The following TMPRSS9 variants were observed in gnomAD, a reference collection of about 807,000 sequenced individuals.
TMPRSS9 encodes the protein transmembrane protease serine 9.
Under a neutral mutation model 111.4 loss-of-function variants are expected in TMPRSS9, and 113 were observed. The ratio of observed to expected loss-of-function variants is 1.01; its 90% confidence interval spans 0.87 to 1.19. TMPRSS9 has a LOEUF of 1.19. Among genes scored for constraint, TMPRSS9 ranks in the 50% most tolerant of loss-of-function variants. The pLI, the probability that TMPRSS9 is intolerant of heterozygous loss-of-function variation, is 0.00. For synonymous variants in TMPRSS9, 805 were observed against 659.1 expected (o/e 1.22, Z -3.39); for missense variants, 1,803 against 1,513.1 (o/e 1.19, Z -3.18).
intron 14 of TMPRSS9, among the ~76,000 whole-genome samples, chr19:2,423,661 G>T (rs908843740): frequency 2.4e-4 from 36 of 152,166 alleles, no homozygotes; most frequent in African/African-American, 8.0e-4. Flanking sequence ...TCTGAGGAAG[G>T]CCTTTGCGCT....
At chr19:2,424,064 G>C in intron 14 of TMPRSS9, 25 bp from the exon 16 acceptor site, 1 of 1,258,886 alleles carries the variant, frequency 7.9e-7, no homozygotes, top group Non-Finnish European at 1.0e-6. Flanking sequence ...GGGTCCGCCT[G>C]CCCACGCGCC....
intron 1 of TMPRSS9, among the ~76,000 whole-genome samples, chr19:2,365,918 A>G (rs1306245936): frequency 1.3e-5 from 2 of 152,046 alleles, no homozygotes; most frequent in Non-Finnish European, 1.5e-5. Flanking sequence ...GAGCTGTGAT[A>G]ACACCACTGC....
At chr19:2,423,947 C>T (rs1971527416) in intron 14 of TMPRSS9, 142 bp from the exon 16 acceptor site, 6 of 877,412 alleles carry the variant, frequency 6.8e-6, no homozygotes, top group Non-Finnish European at 9.0e-6. Flanking sequence ...TCCTTTCCTG[C>T]TGAGTTTTCC....
chr19:2,406,428 G>A (rs1970971731), intron 7 of TMPRSS9, among the ~76,000 whole-genome samples: 2 of 151,874 alleles, frequency 1.3e-5, no homozygotes, highest in South Asian at 4.1e-4. Flanking sequence ...CTGGGATAAA[G>A]CAATTCTCTT....
chr19:2,393,061 ACCAATCAGCGCTCTGTAAAATGGG>A (rs1249590755), intron 1 of TMPRSS9, among the ~76,000 whole-genome samples: 3 of 152,152 alleles, frequency 2.0e-5, no homozygotes, highest in Non-Finnish European at 2.9e-5. Flanking sequence ...TGTAAAATGG[ACCAATCAGCGCTCTGTAAAATGGG>A]CCAATCAGGA....
rs58794871 is a variant in TMPRSS9 at position 2,418,357 on chromosome 19, C to T, written c.2154+219C>T. Among the ~76,000 whole-genome samples, 34 of 51,940 alleles carry T rather than the reference C, an allele frequency of 6.5e-4. 6 individuals are homozygous for T. Among genetic ancestry groups the T allele is most frequent in the African/African-American group, 3.7e-3 (30 of 8,200 alleles). 34.1% of individuals were successfully genotyped at this position (51,940 alleles called of 152,430 possible). On this transcript the variant is annotated intron_variant, in intron 13 of 17. Transcript: ENST00000648592. ...TTTCCTTCCCTCCCTTTCCCTCCCT[C>T]CCTCCCTTCCCTTCCCTCCCTCCCT...
At chr19:2,384,236 TGAGGCGGAGGG>T (rs1351531110) in intron 1 of TMPRSS9, among the ~76,000 whole-genome samples, 1 of 152,172 alleles carries the variant, frequency 6.6e-6, no homozygotes, top group African/African-American at 2.4e-5. Flanking sequence ...CCAGGGGAGC[TGAGGCGGAGGG>T]GAGGCAATGA....
At chr19:2,422,686 G>C (rs993030349) in intron 14 of TMPRSS9, among the ~76,000 whole-genome samples, 1 of 152,192 alleles carries the variant, frequency 6.6e-6, no homozygotes, top group Non-Finnish European at 1.5e-5. Flanking sequence ...AGGAGTTCCA[G>C]ACCAGCCTGG....
intron 12 of TMPRSS9, 104 bp downstream of exon 13, chr19:2,416,913 CT>C: frequency 1.5e-6 from 2 of 1,370,752 alleles, no homozygotes; most frequent in Non-Finnish European, 1.9e-6. Context: ...ACCAATTCCA[CT>C]GCACAGGGAC....
chr19:2,362,868 AG>A (rs1033481836), intron 1 of TMPRSS9, among the ~76,000 whole-genome samples: 6 of 149,570 alleles, frequency 4.0e-5, no homozygotes, highest in Non-Finnish European at 6.0e-5. Context: ...TGGTTGTGTG[AG>A]GTTGTAATGT....
intron 9 of TMPRSS9, among the ~76,000 whole-genome samples, chr19:2,411,147 A>G (rs1312763342): frequency 6.6e-6 from 1 of 151,434 alleles, no homozygotes; most frequent in African/African-American, 2.4e-5. Context: ...TAAAAATACA[A>G]AAATTAGCCT....
rs561120922 is a variant in TMPRSS9, at chr19:2,396,443, G to A, written c.143-96G>A. 2.8e-6 allele frequency: 4 copies of A among 1,415,544 alleles called. No homozygotes were observed. In the East Asian group the frequency reaches 7.8e-5, roughly 27 times the overall value. 87.7% of individuals were successfully genotyped at this position (1,415,544 alleles called of 1,614,324 possible). On this transcript the variant is annotated intron_variant, in intron 1 of 17. Coordinates refer to ENST00000648592, the Ensembl canonical transcript of TMPRSS9. ...GCGTGTCAGGAGTGACCACCAGGGT[G>A]TGTGAGTGCAAACAGGGCGGGGCCT... is the stretch of plus-strand genomic sequence containing the variant.
chr19:2,405,543 T>G, exon 7 of TMPRSS9: 1 of 1,561,458 alleles, frequency 6.4e-7, no homozygotes, highest in South Asian at 1.2e-5. Context: ...ACTGCTTCAA[T>G]GAGTAAGCCC....
chr19:2,424,574 T>C (rs1388512520), intron 15 of TMPRSS9, among the ~76,000 whole-genome samples: 4 of 149,344 alleles, frequency 2.7e-5, no homozygotes, highest in Non-Finnish European at 5.9e-5. Context: ...ACGGGAACAT[T>C]GGGGTCACTT....
chr19:2,405,556 A>C lies in TMPRSS9; in HGVS notation c.842+11A>C. ...TCACTGCTTCAATGAGTAAGCCCCC[A>C]TCCCAAAGCACCAAACCCGAACCCT... On this transcript the variant is annotated intron_variant, in intron 7 of 17. Coordinates refer to ENST00000648592, the Ensembl canonical transcript of TMPRSS9. The C allele has an allele frequency of 6.5e-7, 1 of 1,535,446 alleles. No individual in the cohort carries two copies.
At chr19:2,423,403 G>A (rs1055710662) in intron 14 of TMPRSS9, among the ~76,000 whole-genome samples, 2 of 148,190 alleles carry the variant, frequency 1.3e-5, no homozygotes, top group African/African-American at 2.5e-5. Flanking sequence ...GGCTGGTGGG[G>A]AACTGGCATT....
At chr19:2,414,202 T>C in intron 10 of TMPRSS9, 184 bp downstream of exon 11, 1 of 618,166 alleles carries the variant, frequency 1.6e-6, no homozygotes, top group African/African-American at 1.8e-5. Flanking sequence ...CCACAGGTCT[T>C]GCCCATGTCT....
At position 2,400,447 on chromosome 19, in the gene TMPRSS9, C is replaced by G. The variant is rs1970808707; in HGVS notation, c.514+1254C>G. Among the ~76,000 whole-genome samples, 3 of 151,750 alleles carry G rather than the reference C, an allele frequency of 2.0e-5. No homozygotes were observed. In the South Asian group the frequency reaches 6.3e-4, roughly 32 times the overall value. On this transcript the variant is annotated intron_variant, in intron 4 of 17. Coordinates refer to ENST00000648592, the Ensembl canonical transcript of TMPRSS9. ...ATCCCAGCTGCTCAGGAGGCTGAGGCAGGAGAATTGCTGGAACCCAGGAGG... is the reference window on the plus strand; with the variant it reads ...ATCCCAGCTGCTCAGGAGGCTGAGGGAGGAGAATTGCTGGAACCCAGGAGG...
chr19:2,417,883 G>GC, intron 12 of TMPRSS9, 119 bp from the exon 14 acceptor site: 4 of 1,363,894 alleles, frequency 2.9e-6, no homozygotes, highest in Non-Finnish European at 4.0e-6. Context: ...AACTCTGTGA[G>GC]CCCTGGTTTC....
Sources: allele counts gnomAD v4.1 joint callset (sites outside exome capture counted in the v4.1 genomes callset), GRCh38; gene constraint gnomAD v4.1.1; transcripts MANE v1.5; gene names NCBI Gene and HGNC (gene_info 2026-07-23, HGNC 2026-07-21).